TNRC18: variants seen among roughly 807,000 people sequenced by gnomAD.
TNRC18 encodes trinucleotide repeat containing 18, also known as trinucleotide repeat-containing gene 18 protein.
Under a neutral mutation model 226.7 loss-of-function variants are expected in TNRC18, and 69 were observed. That is an observed-to-expected ratio of 0.30 (90% CI 0.25 to 0.37). The LOEUF (loss-of-function observed/expected upper bound fraction) is 0.37, where lower values mean the gene tolerates loss of function less well. TNRC18 is among the 10% of genes least tolerant of loss of function. TNRC18 has a pLI of 1.00. For synonymous variants in TNRC18, 2,449 were observed against 1,927.6 expected (o/e 1.27, Z -7.09); for missense variants, 4,754 against 4,256.6 (o/e 1.12, Z -3.25).
At chr7:5,417,181 A>G in intron 2 of TNRC18, among the ~76,000 whole-genome samples, 1 of 151,580 alleles carries the variant, frequency 6.6e-6, no homozygotes, top group East Asian at 1.9e-4. Context: ...TTAAGTAACA[A>G]AATCAGCTGG....
chr7:5,378,910 C>T (rs925466908), intron 5 of TNRC18, among the ~76,000 whole-genome samples: 1 of 133,846 alleles, frequency 7.5e-6, no homozygotes, highest in Non-Finnish European at 1.6e-5. Context: ...GCTAGCCAGG[C>T]GAGGTGGCTC....
At chr7:5,371,570 G>C (rs1258776041) in intron 10 of TNRC18, among the ~76,000 whole-genome samples, 1 of 152,182 alleles carries the variant, frequency 6.6e-6, no homozygotes, top group Non-Finnish European at 1.5e-5. Context: ...CCACCTTCTT[G>C]TCCCCAAGGT....
In TNRC18 at chr7:5,387,893, G is replaced by T. The variant is rs200058817; in HGVS notation, c.1931C>A (p.Ala644Glu). 2.9e-4 allele frequency: 454 copies of T among 1,591,710 alleles called. No individual in the cohort carries two copies. The African/African-American group carries it at 3.4e-3, about 12-fold the overall frequency. ...CTTCAGCTGCCGGCCGCCGCCCGCT[G>T]CAGGGCCTCCGGAGTGTGGGAGACG... ...QARLPHSGGP[A>E]AGGGRQLKRD... Residue 644 changes from alanine to glutamate, a missense_variant, in exon 5 of 30, where the codon GCA becomes GAA. By Grantham distance (107) the Ala-to-Glu change is moderately radical. Transcript: ENST00000430969.
At chr7:5,393,672 C>T (rs1304741390) in intron 3 of TNRC18, among the ~76,000 whole-genome samples, 2 of 152,180 alleles carry the variant, frequency 1.3e-5, no homozygotes, top group East Asian at 3.9e-4. Flanking sequence ...CATCCAGAAC[C>T]TGTCAAAGCC....
intron 4 of TNRC18, 42 bp downstream of exon 4, chr7:5,390,443 G>C: frequency 6.2e-7 from 1 of 1,610,296 alleles, no homozygotes; most frequent in Non-Finnish European, 8.5e-7. Context: ...AAGCCTCTCA[G>C]AAGGCCCCTG....
chr7:5,320,490 G>T, intron 23 of TNRC18, 42 bp downstream of exon 23: 1 of 1,567,526 alleles, frequency 6.4e-7, no homozygotes, highest in Non-Finnish European at 8.7e-7. Flanking sequence ...TGGACACCCA[G>T]CCCACCCCGA....
intron 11 of TNRC18, among the ~76,000 whole-genome samples, chr7:5,363,593 G>A (rs1793306606): frequency 6.6e-6 from 1 of 152,094 alleles, no homozygotes; most frequent in Admixed American, 6.6e-5. Flanking sequence ...GACAGAGGGA[G>A]ACTCCATCTC....
chr7:5,393,220 T>C (rs1321215657), intron 3 of TNRC18, among the ~76,000 whole-genome samples: 2 of 152,228 alleles, frequency 1.3e-5, no homozygotes, highest in Non-Finnish European at 2.9e-5. Context: ...CCAGACCCTC[T>C]GGCATCTGCC....
intron 18 of TNRC18, among the ~76,000 whole-genome samples, chr7:5,333,386 TGCAGG>T (rs965507770): frequency 2.6e-5 from 4 of 152,180 alleles, no homozygotes; most frequent in Non-Finnish European, 4.4e-5. Flanking sequence ...GCCCCACACC[TGCAGG>T]GCAGCAGCCC....
At chr7:5,353,502 T>A (rs1583881466) in intron 16 of TNRC18, among the ~76,000 whole-genome samples, 2 of 135,766 alleles carry the variant, frequency 1.5e-5, no homozygotes, top group East Asian at 2.2e-4. Context: ...GAGGTTGCAG[T>A]GCGGCCGAGA....
At position 5,308,241 on chromosome 7, in the gene TNRC18, C is replaced by T; in HGVS notation, c.8772G>A (p.Val2924=). 7 of 1,612,868 alleles carry T rather than the reference C, an allele frequency of 4.3e-6. No individual in the cohort carries two copies. The highest frequency in any genetic ancestry group is 2.2e-5 in the East Asian group (1 of 44,858). Residue 2924 remains valine (V), a synonymous_variant, in exon 30 of 30, where the codon GTG becomes GTA. Transcript: ENST00000430969. ...GCATCTGCTCATACTGCTCCAGGCC[C>T]ACCACCAGGCACTTGTGCGACACCG... ...VQTVSHKCLV[V]GLEQYEQMLK...
chr7:5,374,787 TCA>T (rs1794489736), intron 9 of TNRC18, among the ~76,000 whole-genome samples: 4 of 152,160 alleles, frequency 2.6e-5, no homozygotes, highest in Admixed American at 2.6e-4. Context: ...GCACGGACCC[TCA>T]CAGTCAGGAC....
chr7:5,392,696 G>A lies in TNRC18; in HGVS notation c.343+1744C>T, dbSNP rs1035682529. ...ACAGGCATCAGGTCTCTGCTCTCCCGTCTGTAAAATGGACCTAATGGGCTT... is the reference window on the plus strand; with the variant it reads ...ACAGGCATCAGGTCTCTGCTCTCCCATCTGTAAAATGGACCTAATGGGCTT... On this transcript the variant is annotated intron_variant, in intron 3 of 29. Transcript: ENST00000430969. Among the ~76,000 whole-genome samples the A allele has an allele frequency of 4.6e-5, 7 of 152,056 alleles. No individual in the cohort carries two copies. In the East Asian group the frequency reaches 5.8e-4, roughly 13 times the overall value.
At chr7:5,376,673 G>A (rs1398519581) in intron 8 of TNRC18, among the ~76,000 whole-genome samples, 174 bp downstream of exon 8, 1 of 152,160 alleles carries the variant, frequency 6.6e-6, no homozygotes, top group African/African-American at 2.4e-5. Context: ...ATTGCAACAA[G>A]GACCCCAAGG....
Position 5,377,316 on chromosome 7 carries a change from G to GCCCCCACCC in TNRC18, c.2461+54_2461+55insGGGTGGGGG. On this transcript the variant is annotated intron_variant, in intron 7 of 29. Transcript: ENST00000430969. This position sits in a 1 kb window ranked among gnomAD's most constrained non-coding sequence, Gnocchi z 5.8. ...AGCCCTGAGCTCTTGTCCTGCACCCGCCCCCTCCCACCCCTCCCTCAGAGA... is the reference window on the plus strand; with the variant it reads ...AGCCCTGAGCTCTTGTCCTGCACCCGCCCCCACCCCCCCCTCCCACCCCTCCCTCAGAGA... 1.5e-5 allele frequency: 7 copies of GCCCCCACCC among 453,392 alleles called. No homozygotes were observed. The highest frequency in any genetic ancestry group is 2.1e-5 in the African/African-American group (1 of 48,350). 28.1% of individuals were successfully genotyped at this position (453,392 alleles called of 1,614,324 possible). A position where few individuals can be genotyped will look rare whatever the true frequency, so the allele number is the denominator to read the frequency against.
chr7:5,410,925 G>A (rs1039338630), intron 2 of TNRC18, among the ~76,000 whole-genome samples: 2 of 150,288 alleles, frequency 1.3e-5, no homozygotes, highest in African/African-American at 4.9e-5. Context: ...AAAGGAGAAG[G>A]CTGGGCGTGG....
chr7:5,311,465 T>C (rs979789579), intron 27 of TNRC18, among the ~76,000 whole-genome samples: 16 of 152,234 alleles, frequency 1.1e-4, no homozygotes, highest in African/African-American at 3.9e-4. Flanking sequence ...AGGTACCTTC[T>C]GCTGGGACTG....
In TNRC18 at chr7:5,312,995, A is replaced by AGAGGAGGAGGAGGAG. The variant is rs762048914; in HGVS notation, c.7895_7896insCTCCTCCTCCTCCTC (p.Ser2667_Ser2671dup). 15 of 873,772 alleles carry AGAGGAGGAGGAGGAG rather than the reference A, an allele frequency of 1.7e-5. No homozygotes were observed. The highest frequency in any genetic ancestry group is 1.5e-4 in the East Asian group (5 of 32,636). The allele number at this position is 873,772 out of a possible 1,614,324, so 54.1% of individuals were successfully genotyped here. ...AGGAGGAGGAAGAGGAGGAGGAGGA[A>AGAGGAGGAGGAGGAG]GAGGAGGATGAGGAGGAGGAGGAGG... On this transcript the variant is annotated inframe_insertion, in exon 27 of 30. Transcript: ENST00000430969. The surrounding 1 kb of genome is among the most constrained non-coding windows in gnomAD (Gnocchi z 6.3).
At chr7:5,349,138 A>G (rs1791517581) in intron 17 of TNRC18, among the ~76,000 whole-genome samples, 1 of 152,214 alleles carries the variant, frequency 6.6e-6, no homozygotes, top group Non-Finnish European at 1.5e-5. Flanking sequence ...TCCACGCCAG[A>G]GCCCAGAAAG....
Sources: allele counts gnomAD v4.1 joint callset (sites outside exome capture counted in the v4.1 genomes callset), GRCh38; gene constraint gnomAD v4.1.1; non-coding constraint Gnocchi (gnomAD v3.1); transcripts MANE v1.5; gene names NCBI Gene and HGNC (gene_info 2026-07-23, HGNC 2026-07-21).